The following PRKCB variants were observed in gnomAD, a reference collection of about 807,000 sequenced individuals.
PRKCB encodes the protein protein kinase C beta.
In PRKCB, 13 loss-of-function variants were observed where a neutral mutation model predicts 81.5. The ratio of observed to expected loss-of-function variants is 0.16; its 90% CI spans 0.10 to 0.25. The LOEUF (loss-of-function observed/expected upper bound fraction) is 0.25, where lower values mean the gene tolerates loss of function less well. PRKCB is among the 10% of genes least tolerant of loss of function. The probability of loss-of-function intolerance (pLI) is 1.00; values close to 1 mark genes in which losing one functional copy is unlikely to be tolerated. For synonymous variants in PRKCB, 335 were observed against 321.4 expected, an observed-to-expected ratio of 1.04 and a Z score of -0.45; for missense variants, 509 against 875.7, an observed-to-expected ratio of 0.58 and a Z score of 5.29.
chr16:23,904,063 T>C (rs1290286641), intron 2 of PRKCB, among the ~76,000 whole-genome samples: 1 of 152,218 alleles, frequency 6.6e-6, no homozygotes, highest in Non-Finnish European at 1.5e-5. Context: ...TGTTTGCCAT[T>C]AGCTTGTCTA....
chr16:24,206,957 G>T (rs1968056066), intron 16 of PRKCB, among the ~76,000 whole-genome samples: 1 of 152,180 alleles, frequency 6.6e-6, no homozygotes, highest in South Asian at 2.1e-4. Flanking sequence ...TTGAGACAGG[G>T]TCTCACTCTG....
intron 8 of PRKCB, among the ~76,000 whole-genome samples, chr16:24,122,043 G>A (rs1966804133): frequency 6.6e-6 from 1 of 152,208 alleles, no homozygotes; most frequent in African/African-American, 2.4e-5. Context: ...GATAAATTGG[G>A]AAACAAGTAA....
chr16:24,196,267 T>C (rs1967877285), intron 16 of PRKCB, among the ~76,000 whole-genome samples: 1 of 152,210 alleles, frequency 6.6e-6, no homozygotes, highest in Non-Finnish European at 1.5e-5. Context: ...TGTAACACAG[T>C]GTGCTGTGGA....
At chr16:24,135,776 T>C (rs1966862695) in intron 9 of PRKCB, among the ~76,000 whole-genome samples, 1 of 152,228 alleles carries the variant, frequency 6.6e-6, no homozygotes, top group African/African-American at 2.4e-5. Context: ...TCATTAGTGG[T>C]ATGTATTCAC....
chr16:24,066,755 G>C (rs1966040328), intron 5 of PRKCB, among the ~76,000 whole-genome samples: 1 of 151,912 alleles, frequency 6.6e-6, no homozygotes, highest in Admixed American at 6.6e-5. Flanking sequence ...TATTTTTCAT[G>C]ACCTTGACAG....
chr16:23,892,182 C>T (rs571567708), intron 2 of PRKCB, among the ~76,000 whole-genome samples: 1 of 152,118 alleles, frequency 6.6e-6, no homozygotes, highest in East Asian at 1.9e-4. Flanking sequence ...TGGTGAAGGC[C>T]TTCACACTCA....
chr16:23,868,344 T>C (rs1316903011), intron 2 of PRKCB, among the ~76,000 whole-genome samples: 2 of 152,242 alleles, frequency 1.3e-5, no homozygotes, highest in Admixed American at 6.5e-5. Context: ...AGGACTTCCC[T>C]ATTCTGAGTG....
At chr16:23,886,601 C>A (rs1402274264) in intron 2 of PRKCB, among the ~76,000 whole-genome samples, 1 of 151,726 alleles carries the variant, frequency 6.6e-6, no homozygotes, top group Non-Finnish European at 1.5e-5. Context: ...TTAGTAGAGA[C>A]GAGGTTTCAC....
chr16:23,846,554 G>A (rs1962371015), intron 2 of PRKCB, among the ~76,000 whole-genome samples: 1 of 135,742 alleles, frequency 7.4e-6, no homozygotes, highest in South Asian at 2.4e-4. Flanking sequence ...AGGTTGCAGT[G>A]AGCCAAGATT....
intron 2 of PRKCB, among the ~76,000 whole-genome samples, chr16:23,892,540 A>G (rs1299557843): frequency 1.3e-5 from 2 of 152,226 alleles, no homozygotes; most frequent in African/African-American, 4.8e-5. Context: ...TAAAATATAC[A>G]TTGTCTTTGT....
intron 9 of PRKCB, among the ~76,000 whole-genome samples, chr16:24,126,375 T>G (rs951291606): frequency 6.6e-6 from 1 of 152,192 alleles, no homozygotes; most frequent in African/African-American, 2.4e-5. Flanking sequence ...AGCTGAGTTT[T>G]TACAAATTAA....
At chr16:24,042,304 T>C (rs1404540850) in intron 5 of PRKCB, among the ~76,000 whole-genome samples, 1 of 152,144 alleles carries the variant, frequency 6.6e-6, no homozygotes, top group East Asian at 1.9e-4. Context: ...GTACTGTCAT[T>C]GCTCATAATG....
intron 5 of PRKCB, among the ~76,000 whole-genome samples, chr16:24,083,346 C>G (rs1267982459): frequency 2.6e-5 from 4 of 152,140 alleles, no homozygotes; most frequent in African/African-American, 7.2e-5. Context: ...AGTTATTTAT[C>G]TTAAAGAAGT....
At chr16:24,185,613 C>A in intron 15 of PRKCB, 46 bp downstream of exon 15, 1 of 1,501,214 alleles carries the variant, frequency 6.7e-7, no homozygotes, top group Non-Finnish European at 9.3e-7. Context: ...CACATAAAGG[C>A]ATGTGGGCTG....
At chr16:23,990,744 C>T (rs879044217) in intron 3 of PRKCB, among the ~76,000 whole-genome samples, 1 of 152,036 alleles carries the variant, frequency 6.6e-6, no homozygotes, top group Admixed American at 6.6e-5. Flanking sequence ...GATAGGTTTT[C>T]CCTATGTTGC....
chr16:24,186,117 G>A (rs939566508), intron 15 of PRKCB, among the ~76,000 whole-genome samples: 16 of 152,174 alleles, frequency 1.1e-4, no homozygotes, highest in Non-Finnish European at 1.9e-4. Flanking sequence ...GGGCATGCAC[G>A]CTTGGACATC....
rs1968217177 is a variant in PRKCB, at chr16:24,215,699, T to C, written c.*883T>C. 2 of 985,032 alleles carry C rather than the reference T, an allele frequency of 2.0e-6. No individual in the cohort carries two copies. Among genetic ancestry groups the C allele is most frequent in the Non-Finnish European group, 2.4e-6 (2 of 829,372 alleles). 61.0% of individuals were successfully genotyped at this position (985,032 alleles called of 1,614,324 possible). A position where few individuals can be genotyped will look rare whatever the true frequency, so the allele number is the denominator to read the frequency against. ...TCACATTGTTACACATGCTTTAAAA[T>C]ATGTATTCAAATGTTATTAACCACA... On this transcript the variant is annotated 3_prime_UTR_variant, in exon 17 of 17. Coordinates refer to ENST00000643927, the MANE Select transcript of PRKCB (RefSeq NM_002738.7).
intron 16 of PRKCB, among the ~76,000 whole-genome samples, chr16:24,211,198 A>G (rs1436188168): frequency 2.6e-5 from 4 of 152,240 alleles, no homozygotes; most frequent in African/African-American, 9.6e-5. Context: ...TGGAATGACA[A>G]ATAGGTTTCC....
chr16:24,191,396 A>T, intron 16 of PRKCB, 166 bp downstream of exon 16: 1 of 737,682 alleles, frequency 1.4e-6, no homozygotes, highest in East Asian at 2.6e-5. Context: ...ACTAAGATGG[A>T]CATTTTCCAT....
Sources: allele counts gnomAD v4.1 joint callset (sites outside exome capture counted in the v4.1 genomes callset), GRCh38; gene constraint gnomAD v4.1.1; transcripts MANE v1.5; gene names NCBI Gene and HGNC (gene_info 2026-07-23, HGNC 2026-07-21).